Variants in CFAP54 observed in about 807,000 individuals in gnomAD.
CFAP54 encodes cilia- and flagella-associated protein 54.
A neutral mutation model predicts 370.4 loss-of-function variants in CFAP54; 290 were observed. The observed-to-expected ratio is 0.78, with a 90% CI of 0.71 to 0.86. The LOEUF is 0.86. Among genes scored for constraint, CFAP54 ranks in the 40% least tolerant of loss-of-function variants. The probability of loss-of-function intolerance (pLI) is 0.00; values close to 1 mark genes in which losing one functional copy is unlikely to be tolerated. For synonymous variants in CFAP54, 1,206 were observed against 1,236.5 expected (o/e 0.98, Z 0.52); for missense variants, 3,399 against 3,528.7 (o/e 0.96, Z 0.93).
chr12:96,711,987 T>C (rs1424426692), intron 48 of CFAP54, among the ~76,000 whole-genome samples: 2 of 152,210 alleles, frequency 1.3e-5, no homozygotes, highest in African/African-American at 4.8e-5. Context: ...AATTGATGTG[T>C]CATATTTAAC....
intron 14 of CFAP54, among the ~76,000 whole-genome samples, chr12:96,542,630 T>A (rs1327938232): frequency 6.6e-6 from 1 of 152,152 alleles, no homozygotes; most frequent in African/African-American, 2.4e-5. Context: ...GACACGTAAT[T>A]TTTCCAGCAA....
At chr12:96,663,970 A>G (rs758902708) in intron 39 of CFAP54, 38 bp downstream of exon 39, 2 of 1,483,598 alleles carry the variant, frequency 1.3e-6, no homozygotes, top group East Asian at 4.5e-5. Flanking sequence ...TGTTTTCTCT[A>G]AATCGAGGTT....
chr12:96,656,320 G>A (rs945520372), intron 36 of CFAP54, among the ~76,000 whole-genome samples: 3 of 151,346 alleles, frequency 2.0e-5, no homozygotes, highest in African/African-American at 7.3e-5. Flanking sequence ...TCCCCTTTTG[G>A]ATTGGGATCA....
chr12:96,731,696 T>C (rs1008372317), intron 50 of CFAP54, among the ~76,000 whole-genome samples: 14 of 152,188 alleles, frequency 9.2e-5, no homozygotes, highest in Admixed American at 7.2e-4. Context: ...TTAAAAATAT[T>C]GTATAATAAA....
At chr12:96,836,076 A>ACAC (rs1376612225) in intron 66 of CFAP54, among the ~76,000 whole-genome samples, 4 of 152,138 alleles carry the variant, frequency 2.6e-5, no homozygotes, top group Non-Finnish European at 5.9e-5. Context: ...CAGAGGAAAA[A>ACAC]CACCTCTTTT....
chr12:96,669,595 G>C (rs1592699477), intron 39 of CFAP54, among the ~76,000 whole-genome samples: 1 of 152,226 alleles, frequency 6.6e-6, no homozygotes, highest in African/African-American at 2.4e-5. Flanking sequence ...GTGAGGAAGG[G>C]AGGAGTTCAA....
chr12:96,644,343 C>A lies in CFAP54; in HGVS notation c.4482C>A (p.Asn1494Lys). 6.5e-7 allele frequency: 1 copy of A among 1,535,958 alleles called. No individual in the cohort carries two copies. Residue 1494 changes from asparagine to lysine, a missense_variant, in exon 33 of 68, where the codon AAC (asparagine) becomes AAA (lysine). Transcript: ENST00000524981. ...MNLYLAGAHF[N>K]LVLQKLWECT... ...TGTATCTAGCAGGTGCACACTTTAACCTGGTTTTACAAAAGCTATGGGAGT... is the reference window on the plus strand; with the variant it reads ...TGTATCTAGCAGGTGCACACTTTAAACTGGTTTTACAAAAGCTATGGGAGT...
At chr12:96,505,992 A>G (rs183932661) in intron 3 of CFAP54, among the ~76,000 whole-genome samples, 117 of 152,274 alleles carry the variant, frequency 7.7e-4, no homozygotes, top group African/African-American at 2.6e-3. Context: ...AATGGTTATA[A>G]TCACATCTGA....
chr12:96,757,410 C>T lies in CFAP54; in HGVS notation c.7947-85C>T. ...GCTGGTTTTGCCAGTTTTTACCTTT[C>T]ATCAGCTCAGAAATTGTTGGCAAAT... is the stretch of plus-strand genomic sequence containing the variant. On this transcript the variant is annotated intron_variant, in intron 57 of 67. Coordinates refer to ENST00000524981, the MANE Select transcript of CFAP54 (RefSeq NM_001306084.2). 3 of 689,568 alleles carry T rather than the reference C, an allele frequency of 4.4e-6. No individual in the cohort carries two copies. In the East Asian group the frequency reaches 9.0e-5, roughly 21 times the overall value. The allele number at this position is 689,568 out of a possible 1,614,324, so 42.7% of individuals were successfully genotyped here. A position where few individuals can be genotyped will look rare whatever the true frequency, so the allele number is the denominator to read the frequency against.
chr12:96,792,958 G>T (rs531910989), intron 63 of CFAP54, among the ~76,000 whole-genome samples: 1 of 151,766 alleles, frequency 6.6e-6, no homozygotes, highest in Non-Finnish European at 1.5e-5. Context: ...TATTTATTTT[G>T]CTGGATTCAG....
intron 63 of CFAP54, among the ~76,000 whole-genome samples, chr12:96,804,919 A>G (rs924240295): frequency 3.9e-5 from 6 of 152,172 alleles, no homozygotes; most frequent in Non-Finnish European, 7.4e-5. Flanking sequence ...TGAAAAGACT[A>G]GAGAGCCCAG....
chr12:96,566,483 A>T (rs907336352), intron 19 of CFAP54, among the ~76,000 whole-genome samples: 4 of 152,274 alleles, frequency 2.6e-5, no homozygotes, highest in Admixed American at 2.0e-4. Flanking sequence ...TTTGTGGAGG[A>T]TTAGATTTTT....
intron 67 of CFAP54, 49 bp downstream of exon 67, chr12:96,861,001 A>G (rs1470251513): frequency 1.5e-6 from 2 of 1,364,202 alleles, no homozygotes; most frequent in Non-Finnish European, 1.9e-6. Context: ...CATTTGAGCT[A>G]AGTTTTTGGA....
chr12:96,641,039 C>T, intron 32 of CFAP54, among the ~76,000 whole-genome samples: 1 of 152,028 alleles, frequency 6.6e-6, no homozygotes, highest in Non-Finnish European at 1.5e-5. Context: ...GTCTAAAACA[C>T]CAAAAGCAAT....
In CFAP54 at chr12:96,497,088, A is replaced by G. The variant is rs1229420512; in HGVS notation, c.318-3746A>G. 2.6e-5 allele frequency among the ~76,000 whole-genome samples: 4 copies of G among 152,218 alleles called. No individual in the cohort carries two copies. The East Asian group carries it at 7.7e-4, about 29-fold the overall frequency. ...AGATATTTATTGAGTACCTACATGT[A>G]CTAGGTATTCACTACTGTTGGGGCT... On this transcript the variant is annotated intron_variant, in intron 1 of 67. Coordinates refer to ENST00000524981, the MANE Select transcript of CFAP54 (RefSeq NM_001306084.2).
At chr12:96,681,213 T>G (rs1957267267) in intron 40 of CFAP54, among the ~76,000 whole-genome samples, 1 of 152,070 alleles carries the variant, frequency 6.6e-6, no homozygotes. Context: ...GAATCTCACC[T>G]GGTACCAAAA....
intron 65 of CFAP54, among the ~76,000 whole-genome samples, chr12:96,818,369 A>G (rs1958999059): frequency 6.6e-6 from 1 of 152,224 alleles, no homozygotes; most frequent in African/African-American, 2.4e-5. Flanking sequence ...ATAGTATGCT[A>G]TTAAGTCTGG....
intron 67 of CFAP54, among the ~76,000 whole-genome samples, chr12:96,873,313 A>C (rs773734553): frequency 3.9e-5 from 6 of 152,246 alleles, no homozygotes; most frequent in Non-Finnish European, 8.8e-5. Flanking sequence ...TGAATCTTAC[A>C]ACTGTATTAG....
chr12:96,704,492 A>G (rs1249584340), intron 46 of CFAP54, among the ~76,000 whole-genome samples: 2 of 119,756 alleles, frequency 1.7e-5, no homozygotes, highest in South Asian at 2.8e-4. Flanking sequence ...ATATATATAT[A>G]TATATATATT....
Sources: allele counts gnomAD v4.1 joint callset (sites outside exome capture counted in the v4.1 genomes callset), GRCh38; gene constraint gnomAD v4.1.1; transcripts MANE v1.5; gene names NCBI Gene and HGNC (gene_info 2026-07-23, HGNC 2026-07-21).